The following KCNH8 variants were observed in gnomAD, a reference collection of about 807,000 sequenced individuals.
KCNH8 encodes potassium voltage-gated channel subfamily H member 8, also known as voltage-gated delayed rectifier potassium channel KCNH8.
A neutral mutation model predicts 103.6 loss-of-function variants in KCNH8; 70 were observed. The observed-to-expected ratio is 0.68, with a 90% CI of 0.56 to 0.82. KCNH8 has a LOEUF of 0.82. Ranked by LOEUF, KCNH8 falls within the 40% of genes least tolerant of loss-of-function variation. The pLI is 0.00. For synonymous variants in KCNH8, 498 were observed against 489.4 expected (o/e 1.02, Z -0.23); for missense variants, 1,217 against 1,329.9 (o/e 0.92, Z 1.32).
chr3:19,410,353 G>A (rs1288127570), intron 7 of KCNH8, among the ~76,000 whole-genome samples: 1 of 151,904 alleles, frequency 6.6e-6, no homozygotes, highest in Admixed American at 6.6e-5. Context: ...AATGAAAACA[G>A]AAACATAACA....
intron 10 of KCNH8, among the ~76,000 whole-genome samples, chr3:19,456,210 T>C (rs1184747433): frequency 6.6e-6 from 1 of 152,048 alleles, no homozygotes; most frequent in Non-Finnish European, 1.5e-5. Context: ...TTGAAGATAA[T>C]ACCTAGTTGT....
At chr3:19,240,272 T>A (rs891307879) in intron 1 of KCNH8, among the ~76,000 whole-genome samples, 2 of 152,140 alleles carry the variant, frequency 1.3e-5, no homozygotes, top group African/African-American at 4.8e-5. Context: ...ATTATCCAAT[T>A]TCTGCTAACT....
At chr3:19,429,634 T>G (rs2125164712) in intron 7 of KCNH8, among the ~76,000 whole-genome samples, 1 of 152,304 alleles carries the variant, frequency 6.6e-6, no homozygotes, top group African/African-American at 2.4e-5. Flanking sequence ...ATAGGTAAAC[T>G]TGTTTCATGC....
At chr3:19,244,073 TA>T (rs1446412735) in intron 1 of KCNH8, among the ~76,000 whole-genome samples, 1 of 152,196 alleles carries the variant, frequency 6.6e-6, no homozygotes, top group East Asian at 1.9e-4. Flanking sequence ...AGAAGTTTTT[TA>T]AAAGGTATAA....
At chr3:19,227,013 T>A (rs191774236) in intron 1 of KCNH8, among the ~76,000 whole-genome samples, 1 of 152,336 alleles carries the variant, frequency 6.6e-6, no homozygotes, top group East Asian at 1.9e-4. Context: ...TTCACTGGAC[T>A]CCTTTTGCCT....
intron 11 of KCNH8, among the ~76,000 whole-genome samples, chr3:19,462,933 G>C (rs574182682): frequency 6.6e-6 from 1 of 152,062 alleles, no homozygotes; most frequent in South Asian, 2.1e-4. Flanking sequence ...CAAAGATCAG[G>C]TTTGTCAAAG....
intron 5 of KCNH8, among the ~76,000 whole-genome samples, chr3:19,375,466 T>G (rs1302450518): frequency 1.3e-5 from 2 of 151,176 alleles, no homozygotes; most frequent in East Asian, 3.9e-4. Flanking sequence ...TCAGCTCCTT[T>G]AAGCACTTCT....
chr3:19,437,328 ATTC>A (rs1321597307), intron 7 of KCNH8, among the ~76,000 whole-genome samples: 1 of 152,188 alleles, frequency 6.6e-6, no homozygotes, highest in African/African-American at 2.4e-5. Flanking sequence ...TTGTGTTTAA[ATTC>A]TAGATAATAT....
rs1484253658 is a variant in KCNH8, at chr3:19,253,687, C to A, written c.110C>A (p.Ala37Asp). 6.2e-7 allele frequency: 1 copy of A among 1,613,430 alleles called. No individual in the cohort carries two copies. The highest frequency in any genetic ancestry group is 8.5e-7 in the Non-Finnish European group (1 of 1,179,862). Residue 37 changes from alanine to aspartate, a missense_variant, in exon 2 of 16, where the codon GCT (alanine) becomes GAT (aspartate). Ala to Asp is a moderately radical substitution (Grantham distance 126, BLOSUM62 -2). Coordinates refer to ENST00000328405, the MANE Select transcript of KCNH8 (RefSeq NM_144633.3). ...TTCATCCTTGCCAATGCCCAGGTGGCTAAGGGTTTCCCCATAGTCTACTGT... is the reference window on the plus strand; with the variant it reads ...TTCATCCTTGCCAATGCCCAGGTGGATAAGGGTTTCCCCATAGTCTACTGT... ...SNFILANAQV[A>D]KGFPIVYCSD...
chr3:19,376,297 C>A (rs996743863), intron 5 of KCNH8, among the ~76,000 whole-genome samples: 1 of 152,216 alleles, frequency 6.6e-6, no homozygotes. Context: ...GATATAATCT[C>A]GTGGTGCGCC....
chr3:19,270,755 T>C (rs1389639870), intron 2 of KCNH8, among the ~76,000 whole-genome samples: 2 of 152,322 alleles, frequency 1.3e-5, no homozygotes, highest in East Asian at 3.9e-4. Flanking sequence ...AGTATGTTTG[T>C]TGTCTGCATA....
rs2067541836 is a variant in KCNH8, at chr3:19,456,907, A to G, written c.1965A>G (p.Pro655=). 1.2e-6 allele frequency: 2 copies of G among 1,612,616 alleles called. No homozygotes were observed. Among genetic ancestry groups the G allele is most frequent in the Non-Finnish European group, 1.7e-6 (2 of 1,179,132 alleles). Residue 655 remains proline, a synonymous_variant, in exon 11 of 16, where the codon CCA becomes CCG. Transcript: ENST00000328405. ...KGLFEVLDLY[P]EYAHKFVEDI... is the part of the protein sequence containing the mutation. ...TCTTTGAAGTGCTAGACCTTTACCC[A>G]GAATATGCTCACAAATTCGTGGAAG...
chr3:19,152,501 AAGGAAGTTTGT>A (rs1426090839), intron 1 of KCNH8, among the ~76,000 whole-genome samples: 1 of 152,194 alleles, frequency 6.6e-6, no homozygotes, highest in Non-Finnish European at 1.5e-5. Flanking sequence ...TTAAGTTTTA[AAGGAAGTTTGT>A]AGCCCAGTGG....
At chr3:19,344,633 C>T (rs1399117715) in intron 4 of KCNH8, among the ~76,000 whole-genome samples, 3 of 151,948 alleles carry the variant, frequency 2.0e-5, no homozygotes, top group African/African-American at 7.2e-5. Context: ...TCAAGGATAA[C>T]ATAGTAGAAT....
chr3:19,223,244 A>G (rs2063895013), intron 1 of KCNH8, among the ~76,000 whole-genome samples: 1 of 151,972 alleles, frequency 6.6e-6, no homozygotes, highest in Non-Finnish European at 1.5e-5. Flanking sequence ...TTATTCAACA[A>G]CTCTGTACTA....
intron 1 of KCNH8, among the ~76,000 whole-genome samples, chr3:19,203,929 GT>G (rs2063687928): frequency 6.6e-6 from 1 of 152,002 alleles, no homozygotes; most frequent in African/African-American, 2.4e-5. Flanking sequence ...ATATTTTAAT[GT>G]TAATGTACTA....
intron 2 of KCNH8, among the ~76,000 whole-genome samples, chr3:19,263,079 A>G (rs957732892): frequency 2.0e-5 from 3 of 152,054 alleles, no homozygotes; most frequent in Non-Finnish European, 4.4e-5. Context: ...AACTGAAAGC[A>G]TCCAAGTGAG....
intron 11 of KCNH8, among the ~76,000 whole-genome samples, chr3:19,482,027 G>T (rs1472281550): frequency 6.6e-6 from 1 of 152,148 alleles, no homozygotes; most frequent in Non-Finnish European, 1.5e-5. Flanking sequence ...CTCCCCGAGT[G>T]AGCAATTCTT....
chr3:19,276,009 A>G (rs986894046), intron 2 of KCNH8, among the ~76,000 whole-genome samples: 2 of 152,122 alleles, frequency 1.3e-5, no homozygotes, highest in African/African-American at 4.8e-5. Context: ...AGCAAATATA[A>G]TAAAGTGGAG....
Sources: gnomAD v4.1 joint callset for allele counts (sites outside exome capture counted in the v4.1 genomes callset) on GRCh38, gnomAD v4.1.1 for gene constraint, MANE v1.5 for transcripts, NCBI Gene and HGNC (gene_info 2026-07-23, HGNC 2026-07-21) for gene names.